MGA: variants seen among roughly 807,000 people sequenced by gnomAD.
MGA encodes the protein MAX gene-associated protein.
A neutral mutation model predicts 261.1 loss-of-function variants in MGA; 40 were observed. That is an observed-to-expected ratio of 0.15 (90% CI 0.12 to 0.20). The LOEUF (loss-of-function observed/expected upper bound fraction) is 0.20, where lower values mean the gene tolerates loss of function less well. MGA is among the 10% of genes least tolerant of loss of function. The probability of loss-of-function intolerance (pLI) is 1.00; values close to 1 mark genes in which losing one functional copy is unlikely to be tolerated. For missense variants in MGA, 3,397 were observed against 3,630.5 expected (o/e 0.94, Z 1.65); for synonymous variants, 1,302 against 1,290.6 (o/e 1.01, Z -0.19).
chr15:41,681,787 T>C (rs2058693065), intron 2 of MGA, among the ~76,000 whole-genome samples: 1 of 152,176 alleles, frequency 6.6e-6, no homozygotes, highest in South Asian at 2.1e-4. Flanking sequence ...ATAAATATTC[T>C]ATACTGCTGA....
intron 5 of MGA, among the ~76,000 whole-genome samples, chr15:41,703,252 A>G (rs895319006): frequency 5.9e-5 from 9 of 151,938 alleles, no homozygotes; most frequent in African/African-American, 2.2e-4. Context: ...GATGTCCCTC[A>G]GTTGAGACTT....
intron 2 of MGA, among the ~76,000 whole-genome samples, chr15:41,686,971 C>T (rs2059001774): frequency 2.6e-5 from 4 of 151,774 alleles, no homozygotes; most frequent in Admixed American, 2.6e-4. Context: ...ATGGTTACCT[C>T]ATAAAACACG....
At chr15:41,664,463 A>T (rs1341913505) in intron 1 of MGA, among the ~76,000 whole-genome samples, 1 of 152,220 alleles carries the variant, frequency 6.6e-6, no homozygotes, top group Non-Finnish European at 1.5e-5. Flanking sequence ...AATGATCTGA[A>T]AACCAAAATT....
Position 41,736,306 on chromosome 15 carries a change from C to G in MGA, c.4042C>G (p.Arg1348Gly), listed in dbSNP as rs751169367. The change falls in exon 13 of 24, where the codon CGG becomes GGG. Residue 1348 changes from arginine (R) to glycine (G), a missense_variant. Physicochemically the swap from Arg to Gly is moderately radical, Grantham distance 125. Transcript: ENST00000219905. ...CTCAGACTGCAACTGGGAGGAAGAT[C>G]GGAACAAGATTTTGAGCATCTTATC... 6.2e-7 allele frequency: 1 copy of G among 1,613,982 alleles called. No homozygotes were observed. Among genetic ancestry groups the G allele is most frequent in the South Asian group, 1.1e-5 (1 of 91,078 alleles).
At chr15:41,672,473 T>C (rs1409483331) in intron 2 of MGA, among the ~76,000 whole-genome samples, 1 of 152,188 alleles carries the variant, frequency 6.6e-6, no homozygotes, top group Non-Finnish European at 1.5e-5. Context: ...TTTTTTGTTA[T>C]AGAAAGCAGC....
At chr15:41,643,737 G>T (rs1185054740) in intron 1 of MGA, among the ~76,000 whole-genome samples, 1 of 148,058 alleles carries the variant, frequency 6.8e-6, no homozygotes, top group Non-Finnish European at 1.5e-5. Flanking sequence ...TTTTTATCGT[G>T]TATTACCTGT....
In MGA at chr15:41,713,410, G is replaced by C. The variant is rs753531521; in HGVS notation, c.3344G>C (p.Gly1115Ala). Residue 1115 changes from glycine to alanine, a missense_variant, in exon 9 of 24, where the codon GGA (glycine) becomes GCA (alanine). Gly to Ala is a moderately conservative substitution (Grantham distance 60). Around this residue, in one of 9 missense-constraint regions of MGA, gnomAD observed 519 missense variants for 554.1 expected, o/e 0.94. Coordinates refer to ENST00000219905, the MANE Select transcript of MGA (RefSeq NM_001164273.2). ...GATCCAGTATTTTATGATACTCTGGGAGAGGAGGCAAGGGAGGAGGAAGAA... is the reference window on the plus strand; with the variant it reads ...GATCCAGTATTTTATGATACTCTGGCAGAGGAGGCAAGGGAGGAGGAAGAA... 3 of 1,592,492 alleles carry C rather than the reference G, an allele frequency of 1.9e-6. No homozygotes were observed. In the South Asian group the frequency reaches 3.4e-5, roughly 18 times the overall value.
chr15:41,717,256 G>A (rs1014516516), intron 9 of MGA, among the ~76,000 whole-genome samples: 4 of 152,138 alleles, frequency 2.6e-5, no homozygotes, highest in African/African-American at 9.7e-5. Flanking sequence ...ACTGCTGGCT[G>A]TGCAGAGGTA....
In MGA at chr15:41,765,185, T is replaced by C. The variant is rs1183074935; in HGVS notation, c.7921+123T>C. 4.5e-6 allele frequency: 5 copies of C among 1,120,712 alleles called. No individual in the cohort carries two copies. The African/African-American group carries it at 4.7e-5, about 10-fold the overall frequency. The allele number at this position is 1,120,712 out of a possible 1,614,324, so 69.4% of individuals were successfully genotyped here. A position where few individuals can be genotyped will look rare whatever the true frequency, so the allele number is the denominator to read the frequency against. On this transcript the variant is annotated intron_variant, in intron 23 of 23. Coordinates refer to ENST00000219905, the MANE Select transcript of MGA (RefSeq NM_001164273.2). ...AGAGCTATTCTGTTGGCATTTGCCTTGGTAAGAGGTGGCCCTATTTTTAGA... is the reference window on the plus strand; with the variant it reads ...AGAGCTATTCTGTTGGCATTTGCCTCGGTAAGAGGTGGCCCTATTTTTAGA...
chr15:41,643,334 G>A (rs1311638462), intron 1 of MGA, among the ~76,000 whole-genome samples: 2 of 151,420 alleles, frequency 1.3e-5, no homozygotes, highest in Non-Finnish European at 2.9e-5. Flanking sequence ...TCCGCCTCCC[G>A]GGTTCATGTG....
At chr15:41,721,760 G>T (rs1252148368) in intron 9 of MGA, among the ~76,000 whole-genome samples, 2 of 152,164 alleles carry the variant, frequency 1.3e-5, no homozygotes, top group African/African-American at 4.8e-5. Context: ...TGCTGATGGG[G>T]AAATAAATAG....
intron 1 of MGA, among the ~76,000 whole-genome samples, chr15:41,630,313 C>T (rs1166377989): frequency 1.3e-5 from 2 of 152,146 alleles, no homozygotes; most frequent in African/African-American, 4.8e-5. Context: ...GGTACTTCCT[C>T]AGTGCTGTTG....
chr15:41,671,398 A>G (rs1224836711), intron 2 of MGA, among the ~76,000 whole-genome samples: 1 of 151,932 alleles, frequency 6.6e-6, no homozygotes, highest in Non-Finnish European at 1.5e-5. Context: ...ATCTCGGCTC[A>G]CTGCAACCTC....
At chr15:41,750,954 G>A (rs571851626) in intron 17 of MGA, 22 of 186,480 alleles carry the variant, frequency 1.2e-4, no homozygotes, top group Non-Finnish European at 2.2e-4. Context: ...TCTATGTGAG[G>A]TGGTTGTAGC....
chr15:41,643,428 G>A (rs1347616145), intron 1 of MGA, among the ~76,000 whole-genome samples: 1 of 150,868 alleles, frequency 6.6e-6, no homozygotes, highest in East Asian at 2.0e-4. Context: ...TTTTAGTAGA[G>A]ATGGGGTTTC....
At chr15:41,657,695 AAC>A (rs1008072895), upstream of MGA, among the ~76,000 whole-genome samples, 5 of 152,062 alleles carry the variant, frequency 3.3e-5, no homozygotes, top group South Asian at 4.1e-4. Context: ...CAAAAAAAAA[AAC>A]AAGCATCTTT....
rs2151300963 is a variant in MGA, at chr15:41,696,693, C to T, written c.1683C>T (p.Ser561=). The T allele has an allele frequency of 6.2e-7, 1 of 1,612,674 alleles. No individual in the cohort carries two copies. The highest frequency in any genetic ancestry group is 1.1e-5 in the South Asian group (1 of 90,860). ...ATCCTGATATATCTGACAGCATTAGCACAGAAAGAATACTCGACGATTCAA... is the reference window on the plus strand; with the variant it reads ...ATCCTGATATATCTGACAGCATTAGTACAGAAAGAATACTCGACGATTCAA... Residue 561 remains serine, a synonymous_variant, in exon 3 of 24, where the codon AGC becomes AGT. Transcript: ENST00000219905.
intron 1 of MGA, among the ~76,000 whole-genome samples, chr15:41,647,243 G>C (rs943132472): frequency 6.6e-6 from 1 of 152,160 alleles, no homozygotes; most frequent in Non-Finnish European, 1.5e-5. Context: ...CTGCCTGCAA[G>C]CTCATTCGTA....
Position 41,754,523 on chromosome 15 carries a change from T to G in MGA, c.7095T>G (p.Ala2365=). The G allele has an allele frequency of 6.3e-7, 1 of 1,587,280 alleles. No homozygotes were observed. The highest frequency in any genetic ancestry group is 8.6e-7 in the Non-Finnish European group (1 of 1,165,158). The stretch of plus-strand genomic sequence containing the variant: ...AGCTCTCAGAGGAAATTAATGTTGC[T>G]CACCTGAAGACCACAGCGGCCCACA... Residue 2365 remains alanine, a synonymous_variant, in exon 18 of 24, where the codon GCT becomes GCG. Transcript: ENST00000219905.
Sources: gnomAD v4.1 joint callset for allele counts (sites outside exome capture counted in the v4.1 genomes callset) on GRCh38, gnomAD v4.1.1 for gene constraint, gnomAD v4.1.1 regional missense constraint, MANE v1.5 for transcripts, NCBI Gene and HGNC (gene_info 2026-07-23, HGNC 2026-07-21) for gene names.